Variants in SOX13 observed in about 807,000 individuals in gnomAD.
SOX13 encodes SRY-box transcription factor 13.
In SOX13, 28 loss-of-function variants were observed where a neutral mutation model predicts 71.8. That is an observed-to-expected ratio of 0.39 (90% CI 0.29 to 0.53). The LOEUF is 0.53. Among genes scored for constraint, SOX13 ranks in the 20% least tolerant of loss-of-function variants. The probability of loss-of-function intolerance (pLI) is 0.70; values close to 1 mark genes in which losing one functional copy is unlikely to be tolerated. For missense variants in SOX13, 627 were observed against 810.3 expected, an observed-to-expected ratio of 0.77 and a Z score of 2.75; for synonymous variants, 309 against 317.8, an observed-to-expected ratio of 0.97 and a Z score of 0.29.
intron 1 of SOX13, among the ~76,000 whole-genome samples, chr1:204,110,697 A>G (rs956167136): frequency 6.6e-6 from 1 of 152,176 alleles, no homozygotes; most frequent in Non-Finnish European, 1.5e-5. Context: ...CATGTACTCT[A>G]TTATATACAA....
chr1:204,105,404 G>A (rs12563446), intron 1 of SOX13, among the ~76,000 whole-genome samples: 34,025 of 125,598 alleles, frequency 0.27, 7,219 homozygotes, highest in African/African-American at 0.62. Flanking sequence ...CTCTGACTCT[G>A]TATAATCTCT....
At chr1:204,125,582 CATAAAAT>C (rs1419255788) in intron 13 of SOX13, among the ~76,000 whole-genome samples, 2 of 152,158 alleles carry the variant, frequency 1.3e-5, no homozygotes, top group African/African-American at 4.8e-5. Flanking sequence ...GTAAACAAAA[CATAAAAT>C]ATACAAGTTC....
chr1:204,116,412 G>C, intron 4 of SOX13, 95 bp from the exon 5 acceptor site: 1 of 1,609,164 alleles, frequency 6.2e-7, no homozygotes. Context: ...CATAGCAATT[G>C]CTCAATAAGT....
intron 1 of SOX13, among the ~76,000 whole-genome samples, chr1:204,090,536 G>T (rs1269936372): frequency 6.6e-6 from 1 of 151,634 alleles, no homozygotes; most frequent in African/African-American, 2.4e-5. Flanking sequence ...GGCCTCCCGA[G>T]TAGCTGGGAT....
intron 1 of SOX13, among the ~76,000 whole-genome samples, chr1:204,075,964 AGAG>A (rs1184455469): frequency 6.6e-6 from 1 of 152,158 alleles, no homozygotes; most frequent in African/African-American, 2.4e-5. Flanking sequence ...CCACTTCTGG[AGAG>A]GAGGAGATCT....
At chr1:204,124,545 C>T (rs1656878043) in intron 12 of SOX13, 96 bp from the exon 13 acceptor site, 3 of 995,174 alleles carry the variant, frequency 3.0e-6, no homozygotes, top group Admixed American at 4.4e-5. Flanking sequence ...TCTTATGGAC[C>T]CACCTGGGGA....
At chr1:204,091,571 G>T (rs993708754) in intron 1 of SOX13, among the ~76,000 whole-genome samples, 1 of 152,184 alleles carries the variant, frequency 6.6e-6, no homozygotes, top group African/African-American at 2.4e-5. Context: ...AGGTGAAACA[G>T]TTCATTGTGG....
At chr1:204,117,770 C>T (rs1656724946) in intron 7 of SOX13, 63 bp downstream of exon 7, 4 of 1,038,300 alleles carry the variant, frequency 3.9e-6, no homozygotes, top group Non-Finnish European at 5.9e-6. Flanking sequence ...GGGAAAGCGC[C>T]CTGGAGCCAC....
intron 1 of SOX13, among the ~76,000 whole-genome samples, chr1:204,088,458 C>A (rs143716248): frequency 6.6e-6 from 1 of 152,308 alleles, no homozygotes; most frequent in East Asian, 1.9e-4. Flanking sequence ...ATTTACATGG[C>A]ATTTGCATAT....
intron 1 of SOX13, among the ~76,000 whole-genome samples, chr1:204,108,715 C>G (rs549442660): frequency 6.6e-6 from 1 of 152,224 alleles, no homozygotes; most frequent in Admixed American, 6.5e-5. Context: ...GCTGAGCCGA[C>G]GGATCAGAGG....
intron 1 of SOX13, among the ~76,000 whole-genome samples, chr1:204,077,381 G>A (rs1040690126): frequency 2.6e-5 from 4 of 152,172 alleles, no homozygotes; most frequent in African/African-American, 7.2e-5. Context: ...CACAAGAAAC[G>A]GTAATCATAG....
intron 1 of SOX13, chr1:204,074,219 G>C (rs1392564194): frequency 6.6e-6 from 1 of 152,126 alleles, no homozygotes; most frequent in Non-Finnish European, 1.5e-5. Flanking sequence ...GGTTGCGTGG[G>C]GTGCTGGGGG....
chr1:204,116,020 C>G (rs1656685344), intron 4 of SOX13: 1 of 406,736 alleles, frequency 2.5e-6, no homozygotes, highest in Admixed American at 4.1e-5. Flanking sequence ...ATTATTATGC[C>G]CACTTACCAA....
intron 1 of SOX13, among the ~76,000 whole-genome samples, chr1:204,087,244 C>T (rs1264664507): frequency 1.3e-5 from 2 of 152,224 alleles, no homozygotes; most frequent in African/African-American, 2.4e-5. Flanking sequence ...TCCATGACTT[C>T]TGCAGAGGCA....
intron 1 of SOX13, among the ~76,000 whole-genome samples, chr1:204,093,977 C>T (rs1293636418): frequency 6.6e-6 from 1 of 152,166 alleles, no homozygotes; most frequent in African/African-American, 2.4e-5. Context: ...ACTTTTGTCT[C>T]TCAGAGAAGA....
intron 1 of SOX13, among the ~76,000 whole-genome samples, chr1:204,108,852 G>A (rs976377640): frequency 1.3e-5 from 2 of 152,214 alleles, no homozygotes; most frequent in African/African-American, 4.8e-5. Context: ...CAGCCAGCCT[G>A]GTTGTTTTCA....
At chr1:204,108,214 C>A (rs2102248561) in intron 1 of SOX13, among the ~76,000 whole-genome samples, 1 of 152,310 alleles carries the variant, frequency 6.6e-6, no homozygotes, top group East Asian at 1.9e-4. Flanking sequence ...ACCAACTTAT[C>A]CAAAAAGAAT....
At chr1:204,118,024 C>T (rs1558221044) in intron 7 of SOX13, 3 of 240,318 alleles carry the variant, frequency 1.2e-5, no homozygotes, top group East Asian at 9.4e-5. Context: ...TGGTGGCTCA[C>T]GCATGTAATC....
intron 1 of SOX13, among the ~76,000 whole-genome samples, chr1:204,083,413 C>T (rs1655950253): frequency 1.3e-5 from 2 of 152,184 alleles, no homozygotes; most frequent in Non-Finnish European, 2.9e-5. Context: ...CCAGGCCCTT[C>T]TGCTTTTCCT....
Sources: allele counts gnomAD v4.1 joint callset (sites outside exome capture counted in the v4.1 genomes callset), GRCh38; gene constraint gnomAD v4.1.1; transcripts MANE v1.5; gene names NCBI Gene and HGNC (gene_info 2026-07-23, HGNC 2026-07-21).